The following MALRD1 variants were observed in gnomAD, a reference collection of about 807,000 sequenced individuals.
MALRD1 encodes the protein MAM and LDL receptor class A domain containing 1.
Under a neutral mutation model 242.1 loss-of-function variants are expected in MALRD1, and 247 were observed. The observed-to-expected ratio is 1.02, with a 90% CI of 0.92 to 1.13. The LOEUF (loss-of-function observed/expected upper bound fraction) is 1.13. MALRD1 is among the 50% of genes most tolerant of loss of function. MALRD1 has a pLI of 0.00. For synonymous variants in MALRD1, 995 were observed against 866.6 expected, an observed-to-expected ratio of 1.15 and a Z score of -2.60; for missense variants, 2,989 against 2,533.1, an observed-to-expected ratio of 1.18 and a Z score of -3.86.
At chr10:19,347,687 C>A in intron 24 of MALRD1, 84 bp from the exon 25 acceptor site, 2 of 1,423,536 alleles carry the variant, frequency 1.4e-6, no homozygotes, top group Non-Finnish European at 9.5e-7. Flanking sequence ...CATGATACAG[C>A]AAGATCACTG....
chr10:19,393,045 A>G (rs931056163), intron 28 of MALRD1, among the ~76,000 whole-genome samples: 1 of 152,154 alleles, frequency 6.6e-6, no homozygotes, highest in Non-Finnish European at 1.5e-5. Context: ...AAGTGGATTG[A>G]CTATGACTTG....
At chr10:19,356,324 C>G (rs954740866) in intron 26 of MALRD1, among the ~76,000 whole-genome samples, 4 of 151,956 alleles carry the variant, frequency 2.6e-5, no homozygotes, top group Non-Finnish European at 5.9e-5. Context: ...GTATCTTGAA[C>G]AAATGAAAAG....
intron 1 of MALRD1, among the ~76,000 whole-genome samples, chr10:19,063,544 T>G (rs1834883890): frequency 6.6e-6 from 1 of 152,206 alleles, no homozygotes. Flanking sequence ...TTTAATATTT[T>G]TCTTTCCTTG....
intron 31 of MALRD1, among the ~76,000 whole-genome samples, chr10:19,526,958 C>G (rs966572980): frequency 3.3e-5 from 5 of 152,114 alleles, no homozygotes; most frequent in African/African-American, 1.2e-4. Context: ...GATGTTCAGT[C>G]TGATTTCAAG....
At chr10:19,373,501 A>G (rs1845477052) in intron 26 of MALRD1, among the ~76,000 whole-genome samples, 1 of 152,064 alleles carries the variant, frequency 6.6e-6, no homozygotes, top group Non-Finnish European at 1.5e-5. Flanking sequence ...CCTGGGTGAC[A>G]AAAGCAAAAC....
intron 26 of MALRD1, among the ~76,000 whole-genome samples, chr10:19,367,280 C>T (rs1564598402): frequency 6.6e-6 from 1 of 152,030 alleles, no homozygotes; most frequent in Non-Finnish European, 1.5e-5. Flanking sequence ...TCTACCCTTC[C>T]AAGCCTCTAG....
chr10:19,372,218 AT>A (rs1241483220), intron 26 of MALRD1, among the ~76,000 whole-genome samples: 1 of 152,202 alleles, frequency 6.6e-6, no homozygotes, highest in African/African-American at 2.4e-5. Flanking sequence ...ATGGATATAC[AT>A]TTAAACAAAA....
chr10:19,587,527 A>G (rs144920254), intron 33 of MALRD1, among the ~76,000 whole-genome samples: 3 of 152,362 alleles, frequency 2.0e-5, no homozygotes, highest in African/African-American at 4.8e-5. Flanking sequence ...TTAGGCTTTT[A>G]TGGAACTTGT....
chr10:19,187,660 G>T (rs1184569400), intron 14 of MALRD1, among the ~76,000 whole-genome samples: 1 of 152,026 alleles, frequency 6.6e-6, no homozygotes, highest in African/African-American at 2.4e-5. Context: ...AGAGTTCTTT[G>T]CAGCAACATG....
At chr10:19,436,840 A>C (rs564873956) in intron 28 of MALRD1, among the ~76,000 whole-genome samples, 1 of 152,294 alleles carries the variant, frequency 6.6e-6, no homozygotes, top group East Asian at 1.9e-4. Context: ...ACAAATGCTT[A>C]GTATCTTGAG....
chr10:19,566,172 A>T (rs778465018), intron 32 of MALRD1, among the ~76,000 whole-genome samples: 1 of 152,036 alleles, frequency 6.6e-6, no homozygotes, highest in Non-Finnish European at 1.5e-5. Flanking sequence ...TCTGTTGCCC[A>T]GGCTGGAATG....
intron 29 of MALRD1, among the ~76,000 whole-genome samples, chr10:19,489,660 CTGTCTT>C (rs1837395871): frequency 6.6e-6 from 1 of 152,102 alleles, no homozygotes; most frequent in Non-Finnish European, 1.5e-5. Context: ...GATGCTTTCA[CTGTCTT>C]GGTTGTCAGC....
At position 19,171,126 on chromosome 10, in the gene MALRD1, A is replaced by G. The variant is rs143904578; in HGVS notation, c.1831-4082A>G. On this transcript the variant is annotated intron_variant, in intron 13 of 39. Coordinates refer to ENST00000454679, the MANE Select transcript of MALRD1 (RefSeq NM_001142308.3). ...AGTAATCACTTGATTATGAACATTT[A>G]TGAATTTTTGTGGTTCCTAAAAGCA... Among the ~76,000 whole-genome samples, 432 of 152,078 alleles carry G rather than the reference A, an allele frequency of 2.8e-3. 2 individuals carry two copies. Among genetic ancestry groups the G allele is most frequent in the African/African-American group, 9.9e-3 (413 of 41,508 alleles).
intron 21 of MALRD1, among the ~76,000 whole-genome samples, chr10:19,309,582 G>GT (rs765790245): frequency 9.9e-5 from 15 of 151,566 alleles, no homozygotes; most frequent in Non-Finnish European, 1.9e-4. Flanking sequence ...CAGATTGAAA[G>GT]TAAGTAGAGA....
At position 19,049,121 on chromosome 10, in the gene MALRD1, C is replaced by T; in HGVS notation, c.183C>T (p.Ser61=). The T allele has an allele frequency of 8.1e-7, 1 of 1,233,840 alleles. No individual in the cohort carries two copies. The highest frequency in any genetic ancestry group is 1.0e-6 in the Non-Finnish European group (1 of 988,112). 76.4% of individuals were successfully genotyped at this position (1,233,840 alleles called of 1,614,324 possible). ...ICDFTDQCGD[S]SDERHCLNYE... is the part of the protein sequence containing the mutation. ...ACTTCACAGATCAGTGTGGGGATAG[C>T]AGTGATGAACGGCACTGTAAGTGAC... Residue 61 remains serine (S), a synonymous_variant, in exon 1 of 40, where the codon AGC becomes AGT. Coordinates refer to ENST00000454679, the MANE Select transcript of MALRD1 (RefSeq NM_001142308.3).
intron 36 of MALRD1, among the ~76,000 whole-genome samples, chr10:19,621,896 G>C (rs1459680577): frequency 6.6e-6 from 1 of 151,696 alleles, no homozygotes; most frequent in Non-Finnish European, 1.5e-5. Context: ...TGAAAACAAA[G>C]AAACAAAGAA....
chr10:19,453,759 C>G (rs1835454961), intron 29 of MALRD1, among the ~76,000 whole-genome samples: 1 of 151,938 alleles, frequency 6.6e-6, no homozygotes, highest in Non-Finnish European at 1.5e-5. Flanking sequence ...GCTTGTAATC[C>G]CAGCTACTCA....
chr10:19,650,784 A>C (rs759080394), intron 36 of MALRD1, among the ~76,000 whole-genome samples: 5 of 152,174 alleles, frequency 3.3e-5, no homozygotes, highest in African/African-American at 7.2e-5. Context: ...ACCAGTTCTC[A>C]AGCACCTTTC....
chr10:19,640,831 G>T (rs1840352373), intron 36 of MALRD1, among the ~76,000 whole-genome samples: 1 of 152,120 alleles, frequency 6.6e-6, no homozygotes, highest in Non-Finnish European at 1.5e-5. Flanking sequence ...ATGTGGAAAT[G>T]ATATAGTAAG....
Sources: allele counts gnomAD v4.1 joint callset (sites outside exome capture counted in the v4.1 genomes callset), GRCh38; gene constraint gnomAD v4.1.1; transcripts MANE v1.5; gene names NCBI Gene and HGNC (gene_info 2026-07-23, HGNC 2026-07-21).